Variants in SGCD observed in about 807,000 individuals in gnomAD.
The protein encoded by SGCD is delta-sarcoglycan.
SGCD carries 18 observed loss-of-function variants against 36.6 expected under a neutral mutation model. The ratio of observed to expected loss-of-function variants is 0.49; its 90% confidence interval spans 0.34 to 0.73. The LOEUF (loss-of-function observed/expected upper bound fraction) is 0.73, where lower values mean the gene tolerates loss of function less well. SGCD is among the 30% of genes least tolerant of loss of function. The pLI is 0.01. For missense variants in SGCD, 387 were observed against 346.7 expected, an observed-to-expected ratio of 1.12 and a Z score of -0.92; for synonymous variants, 133 against 130.6, an observed-to-expected ratio of 1.02 and a Z score of -0.12.
the SGCD span, among the ~76,000 whole-genome samples, chr5:155,842,905 A>G: frequency 1.3e-5 from 2 of 152,160 alleles, no homozygotes; most frequent in Non-Finnish European, 2.9e-5. Flanking sequence ...CTGTTAAGAC[A>G]TTGGTAATTG....
At chr5:155,929,636 G>T (rs1478810188) in intron 1 of SGCD, among the ~76,000 whole-genome samples, 1 of 152,018 alleles carries the variant, frequency 6.6e-6, no homozygotes, top group Non-Finnish European at 1.5e-5. Context: ...CTTCCGCTCT[G>T]TAAAACTTCT....
At chr5:156,135,645 T>C (rs1167143641) in intron 3 of SGCD, among the ~76,000 whole-genome samples, 1 of 152,200 alleles carries the variant, frequency 6.6e-6, no homozygotes, top group East Asian at 1.9e-4. Context: ...ATATTAGAAT[T>C]TTGAAAAAGT....
chr5:155,964,538 A>G (rs940593054), intron 1 of SGCD, among the ~76,000 whole-genome samples: 7 of 152,070 alleles, frequency 4.6e-5, no homozygotes, highest in African/African-American at 9.7e-5. Context: ...GGGTTTCACT[A>G]TGTTGGCCAG....
chr5:156,201,830 T>A (rs558011974), intron 3 of SGCD, among the ~76,000 whole-genome samples: 1 of 152,156 alleles, frequency 6.6e-6, no homozygotes, highest in East Asian at 1.9e-4. Flanking sequence ...GAGTTTTTGA[T>A]CTTGTCAGGA....
intron 7 of SGCD, among the ~76,000 whole-genome samples, chr5:156,683,584 G>A (rs151254079): frequency 5.5e-4 from 84 of 152,146 alleles, no homozygotes; most frequent in African/African-American, 1.9e-3. Context: ...GTCTTTATCA[G>A]ACAAAAACAA....
intron 1 of SGCD, among the ~76,000 whole-genome samples, chr5:156,026,491 A>G (rs1355959590): frequency 1.3e-5 from 2 of 152,224 alleles, no homozygotes; most frequent in Non-Finnish European, 2.9e-5. Context: ...CAAAGCCAGA[A>G]TTTAAATTTA....
At chr5:156,073,252 T>C (rs1037041204) in intron 1 of SGCD, among the ~76,000 whole-genome samples, 3 of 152,134 alleles carry the variant, frequency 2.0e-5, no homozygotes, top group African/African-American at 7.2e-5. Flanking sequence ...CTTACCTGAT[T>C]TCCCCTCTAT....
At chr5:156,578,309 A>T (rs372811177) in intron 4 of SGCD, among the ~76,000 whole-genome samples, 1 of 152,014 alleles carries the variant, frequency 6.6e-6, no homozygotes, top group Non-Finnish European at 1.5e-5. Flanking sequence ...GCTGGATTCG[A>T]TTTGCCAGTA....
At chr5:156,117,974 G>T (rs1282437640) in intron 2 of SGCD, 1 of 152,116 alleles carries the variant, frequency 6.6e-6, no homozygotes, top group African/African-American at 2.4e-5. Flanking sequence ...TATTTTCGCT[G>T]ATATCAGTTA....
chr5:156,017,924 C>T (rs1759019223), intron 1 of SGCD, among the ~76,000 whole-genome samples: 1 of 152,122 alleles, frequency 6.6e-6, no homozygotes, highest in South Asian at 2.1e-4. Context: ...CTTTGGGAGG[C>T]CGAGACTGGA....
chr5:156,629,896 T>C (rs1192814601), intron 6 of SGCD, among the ~76,000 whole-genome samples: 1 of 149,584 alleles, frequency 6.7e-6, no homozygotes, highest in Admixed American at 6.7e-5. Flanking sequence ...AGTTTCACTC[T>C]TGTTGCCCAG....
intron 1 of SGCD, among the ~76,000 whole-genome samples, chr5:156,015,930 C>A (rs1758967079): frequency 6.6e-6 from 1 of 150,506 alleles, no homozygotes; most frequent in South Asian, 2.1e-4. Context: ...ATCCATATAT[C>A]ATTCATTCAT....
chr5:156,694,774 G>A (rs967368921), intron 7 of SGCD, among the ~76,000 whole-genome samples: 11 of 151,966 alleles, frequency 7.2e-5, no homozygotes, highest in East Asian at 3.9e-4. Flanking sequence ...AATTAGGCCC[G>A]TCTGGTTTTC....
At chr5:156,228,047 A>G (rs371872143) in intron 3 of SGCD, among the ~76,000 whole-genome samples, 30 of 152,164 alleles carry the variant, frequency 2.0e-4, no homozygotes, top group Middle Eastern at 6.8e-3. Flanking sequence ...ATTGAGGCTC[A>G]TTTTGTGTCA....
chr5:156,446,242 GT>G (rs752228479), intron 3 of SGCD, among the ~76,000 whole-genome samples: 3 of 152,170 alleles, frequency 2.0e-5, no homozygotes, highest in Non-Finnish European at 2.9e-5. Flanking sequence ...AAAGATAAGT[GT>G]CCCCTATAGA....
chr5:156,419,699 A>G (rs1172396431), intron 3 of SGCD, among the ~76,000 whole-genome samples: 1 of 152,140 alleles, frequency 6.6e-6, no homozygotes, highest in Non-Finnish European at 1.5e-5. Flanking sequence ...TATTAGTTTC[A>G]TAAGTGGGCA....
intron 3 of SGCD, among the ~76,000 whole-genome samples, chr5:156,196,193 C>G (rs1764021916): frequency 6.6e-6 from 1 of 152,138 alleles, no homozygotes; most frequent in Non-Finnish European, 1.5e-5. Flanking sequence ...TTGGCCTGTG[C>G]AGTTATATAG....
Position 156,677,579 on chromosome 5 carries a change from C to T in SGCD, c.575+30043C>T, listed in dbSNP as rs1212248303. Among the ~76,000 whole-genome samples, 4 of 151,956 alleles carry T rather than the reference C, an allele frequency of 2.6e-5. No homozygotes were observed. In the South Asian group the frequency reaches 6.2e-4, roughly 24 times the overall value. The stretch of plus-strand genomic sequence containing the variant: ...GGGAGGGATAGCATTAGGAGGACTA[C>T]CTAATGTAAATGACGAGTTAATGGG... On this transcript the variant is annotated intron_variant, in intron 7 of 8. Coordinates refer to ENST00000337851, the MANE Select transcript of SGCD (RefSeq NM_000337.6).
chr5:156,492,571 A>T (rs960325071), intron 3 of SGCD, among the ~76,000 whole-genome samples: 9 of 152,224 alleles, frequency 5.9e-5, no homozygotes, highest in East Asian at 1.9e-4. Flanking sequence ...TGATTTTTTT[A>T]AAAATTATTA....
Sources: gnomAD v4.1 joint callset for allele counts (sites outside exome capture counted in the v4.1 genomes callset) on GRCh38, gnomAD v4.1.1 for gene constraint, MANE v1.5 for transcripts, NCBI Gene and HGNC (gene_info 2026-07-23, HGNC 2026-07-21) for gene names.